Variants in RAB20 observed in about 807,000 individuals in gnomAD.
RAB20 encodes ras-related protein Rab-20.
Under a neutral mutation model 3.7 loss-of-function variants are expected in RAB20, and 2 were observed. The ratio of observed to expected loss-of-function variants is 0.54; its 90% CI spans 0.22 to 1.69. The LOEUF (loss-of-function observed/expected upper bound fraction) is 1.69. Ranked by LOEUF, RAB20 falls within the 40% of genes most tolerant of loss-of-function variation. The probability of loss-of-function intolerance (pLI) is 0.19; values close to 1 mark genes in which losing one functional copy is unlikely to be tolerated. For synonymous variants in RAB20, 126 were observed against 130.8 expected, an observed-to-expected ratio of 0.96 and a Z score of 0.25; for missense variants, 276 against 311.9, an observed-to-expected ratio of 0.88 and a Z score of 0.87.
intron 1 of RAB20, among the ~76,000 whole-genome samples, chr13:110,547,304 A>C (rs896618569): frequency 3.3e-5 from 5 of 152,268 alleles, no homozygotes; most frequent in African/African-American, 9.6e-5. Flanking sequence ...GAGGCGCAAC[A>C]AGCTTCCTAT....
intron 1 of RAB20, among the ~76,000 whole-genome samples, chr13:110,539,265 G>T (rs1470241066): frequency 6.6e-6 from 1 of 152,020 alleles, no homozygotes; most frequent in Non-Finnish European, 1.5e-5. Context: ...CAAGTCCAAG[G>T]GTTTATATTG....
intron 1 of RAB20, among the ~76,000 whole-genome samples, chr13:110,548,823 G>A (rs988719407): frequency 6.6e-6 from 1 of 152,094 alleles, no homozygotes; most frequent in Non-Finnish European, 1.5e-5. Context: ...TGCACCGAGA[G>A]GTGAGGATAA....
At chr13:110,537,642 G>A (rs1158844595) in intron 1 of RAB20, among the ~76,000 whole-genome samples, 1 of 151,718 alleles carries the variant, frequency 6.6e-6, no homozygotes, top group Non-Finnish European at 1.5e-5. Context: ...GAAGAACAGG[G>A]CCAGGCGCTG....
At chr13:110,535,695 C>T (rs558256852) in intron 1 of RAB20, among the ~76,000 whole-genome samples, 1 of 152,382 alleles carries the variant, frequency 6.6e-6, no homozygotes, top group East Asian at 1.9e-4. Flanking sequence ...ACACACCCGG[C>T]ACGCTGGGCC....
chr13:110,541,281 T>C (rs1438060251), intron 1 of RAB20, among the ~76,000 whole-genome samples: 1 of 152,242 alleles, frequency 6.6e-6, no homozygotes, highest in Non-Finnish European at 1.5e-5. Context: ...TGCCTGGGTC[T>C]GTGGCACAGG....
At chr13:110,532,471 G>A (rs1025332672) in intron 1 of RAB20, among the ~76,000 whole-genome samples, 1 of 152,068 alleles carries the variant, frequency 6.6e-6, no homozygotes, top group African/African-American at 2.4e-5. Flanking sequence ...CCACGTCCAG[G>A]GTTCAAGCAA....
chr13:110,557,347 G>A (rs1001516481), intron 1 of RAB20, among the ~76,000 whole-genome samples: 3 of 152,182 alleles, frequency 2.0e-5, no homozygotes, highest in African/African-American at 7.2e-5. Context: ...AGAACAGATA[G>A]GATGAGGGAA....
chr13:110,558,398 T>TC lies in RAB20; in HGVS notation c.172+2949_172+2950insG, dbSNP rs1437707524. On this transcript the variant is annotated intron_variant, in intron 1 of 1. Transcript: ENST00000267328. ...CTTCCCACTTTTTTTTTTTTTTTTT[T>TC]TTGAGACAGAGTCTTACTCTTGTCA... is the stretch of plus-strand genomic sequence containing the variant. Among the ~76,000 whole-genome samples the TC allele has an allele frequency of 2.2e-3, 320 of 145,644 alleles. 3 individuals are homozygous for TC. Among genetic ancestry groups the TC allele is most frequent in the African/African-American group, 6.2e-3 (248 of 40,054 alleles).
chr13:110,534,908 A>C (rs1297959152), intron 1 of RAB20, among the ~76,000 whole-genome samples: 1 of 152,212 alleles, frequency 6.6e-6, no homozygotes, highest in Non-Finnish European at 1.5e-5. Flanking sequence ...ATCATGGCTC[A>C]CTGCAACCTC....
chr13:110,560,308 T>C (rs1419366449), intron 1 of RAB20, among the ~76,000 whole-genome samples: 1 of 152,064 alleles, frequency 6.6e-6, no homozygotes, highest in African/African-American at 2.4e-5. Context: ...TAAAAAAGCA[T>C]CAAAGAAGGC....
intron 1 of RAB20, among the ~76,000 whole-genome samples, chr13:110,532,555 T>C (rs551559300): frequency 1.6e-4 from 25 of 152,066 alleles, no homozygotes; most frequent in Admixed American, 3.3e-4. Flanking sequence ...TTTTGTACTA[T>C]TAGTAGGGAC....
intron 1 of RAB20, among the ~76,000 whole-genome samples, chr13:110,553,409 T>A (rs934083554): frequency 6.6e-6 from 1 of 152,216 alleles, no homozygotes; most frequent in Non-Finnish European, 1.5e-5. Context: ...TCTATACCTA[T>A]GGGAACAGAC....
chr13:110,546,041 T>C (rs190313263), intron 1 of RAB20, among the ~76,000 whole-genome samples: 20 of 152,016 alleles, frequency 1.3e-4, no homozygotes, highest in Admixed American at 1.3e-3. Flanking sequence ...TTCCAATCCA[T>C]AATTCTGAAA....
chr13:110,554,074 C>T (rs1885000158), intron 1 of RAB20, among the ~76,000 whole-genome samples: 1 of 152,118 alleles, frequency 6.6e-6, no homozygotes, highest in African/African-American at 2.4e-5. Flanking sequence ...GTGGTTACCC[C>T]ACTGCACTCC....
At chr13:110,539,358 A>G (rs1401094565) in intron 1 of RAB20, among the ~76,000 whole-genome samples, 1 of 152,148 alleles carries the variant, frequency 6.6e-6, no homozygotes, top group East Asian at 1.9e-4. Flanking sequence ...TGCTTGGCAA[A>G]TACTGACCGA....
At chr13:110,544,376 G>A (rs1259560078) in intron 1 of RAB20, among the ~76,000 whole-genome samples, 4 of 152,092 alleles carry the variant, frequency 2.6e-5, no homozygotes, top group Non-Finnish European at 4.4e-5. Context: ...AATTTTGCTG[G>A]CTATTTTGGG....
chr13:110,536,161 G>A (rs181651098), intron 1 of RAB20, among the ~76,000 whole-genome samples: 5 of 152,344 alleles, frequency 3.3e-5, no homozygotes, highest in Admixed American at 6.5e-5. Flanking sequence ...CCACAGCTCC[G>A]CAGGCAAGGA....
intron 1 of RAB20, among the ~76,000 whole-genome samples, chr13:110,554,041 G>A (rs143211077): frequency 0.011 from 1,620 of 152,222 alleles, 14 homozygotes; most frequent in Middle Eastern, 0.031. Flanking sequence ...CTTGAGCCTG[G>A]GAGTTTGAAG....
chr13:110,537,099 G>C (rs1308136161), intron 1 of RAB20, among the ~76,000 whole-genome samples: 5 of 151,676 alleles, frequency 3.3e-5, no homozygotes, highest in Admixed American at 3.3e-4. Flanking sequence ...CTCTGCCTTA[G>C]ACTCCCAAGT....
Sources: allele counts gnomAD v4.1 joint callset (sites outside exome capture counted in the v4.1 genomes callset), GRCh38; gene constraint gnomAD v4.1.1; transcripts MANE v1.5; gene names NCBI Gene and HGNC (gene_info 2026-07-23, HGNC 2026-07-21).